The following EBF3 variants were observed in gnomAD, a reference collection of about 807,000 sequenced individuals.
EBF3 encodes the protein EBF transcription factor 3.
Under a neutral mutation model 77.1 loss-of-function variants are expected in EBF3, and 18 were observed. The ratio of observed to expected loss-of-function variants is 0.23; its 90% CI spans 0.16 to 0.35. The LOEUF is 0.35. Ranked by LOEUF, EBF3 falls within the 10% of genes least tolerant of loss-of-function variation. The pLI is 1.00. For synonymous variants in EBF3, 350 were observed against 343.5 expected (o/e 1.02, Z -0.21); for missense variants, 558 against 860.0 (o/e 0.65, Z 4.39).
At chr10:129,844,529 C>T (rs756442714) in intron 11 of EBF3, among the ~76,000 whole-genome samples, 6 of 152,156 alleles carry the variant, frequency 3.9e-5, no homozygotes, top group African/African-American at 1.2e-4. Context: ...GAGAAGGCAA[C>T]GACTGCCTTC....
At chr10:129,955,691 A>G (rs923017543) in intron 6 of EBF3, among the ~76,000 whole-genome samples, 2 of 152,270 alleles carry the variant, frequency 1.3e-5, no homozygotes, top group African/African-American at 4.8e-5. Context: ...GGGAAAACAC[A>G]GCATCCAAAA....
intron 6 of EBF3, among the ~76,000 whole-genome samples, chr10:129,896,576 G>A (rs1001621458): frequency 5.9e-5 from 9 of 152,220 alleles, no homozygotes; most frequent in African/African-American, 1.9e-4. Context: ...CGAGTGGGGG[G>A]CTGGAGTTTG....
intron 6 of EBF3, among the ~76,000 whole-genome samples, chr10:129,930,371 C>T (rs180794898): frequency 6.6e-6 from 1 of 151,560 alleles, no homozygotes; most frequent in Admixed American, 6.6e-5. Context: ...TAACAAATCC[C>T]CCTCTCATAT....
chr10:129,947,200 C>T lies in EBF3; in HGVS notation c.554+10058G>A, dbSNP rs947553922. ...CCAAATATCAAGGAAGAGGGGCCGC[C>T]GGGGGACCACCCCATCCCGGCACAC... On this transcript the variant is annotated intron_variant, in intron 6 of 16. Coordinates refer to ENST00000440978, the MANE Select transcript of EBF3 (RefSeq NM_001375380.1). The surrounding 1 kb of genome is among the most constrained non-coding windows in gnomAD (Gnocchi z 4.5). Among the ~76,000 whole-genome samples the T allele has an allele frequency of 6.6e-5, 10 of 152,204 alleles. No homozygotes were observed. Among genetic ancestry groups the T allele is most frequent in the Admixed American group, 1.3e-4 (2 of 15,286 alleles).
At chr10:129,892,532 T>G (rs1854092816) in intron 6 of EBF3, among the ~76,000 whole-genome samples, 1 of 151,912 alleles carries the variant, frequency 6.6e-6, no homozygotes. Flanking sequence ...GCTCAGAGAG[T>G]GAGCCGTGTT....
At position 129,875,673 on chromosome 10, in the gene EBF3, A is replaced by G. The variant is rs1222034038; in HGVS notation, c.637-2077T>C. Among the ~76,000 whole-genome samples the G allele has an allele frequency of 3.9e-5, 6 of 152,350 alleles. No individual in the cohort carries two copies. In the East Asian group the frequency reaches 5.8e-4, roughly 15 times the overall value. On this transcript the variant is annotated intron_variant, in intron 7 of 16. Transcript: ENST00000440978. Reference sequence around the variant, plus strand: ...AAGCCACCCAGAACCTCAAAAGGTTATAAGTGCTGGCCCAGCATCCCAGGT... The same window carrying G: ...AAGCCACCCAGAACCTCAAAAGGTTGTAAGTGCTGGCCCAGCATCCCAGGT...
At chr10:129,887,109 TG>T (rs1395572470) in intron 6 of EBF3, among the ~76,000 whole-genome samples, 8 of 131,940 alleles carry the variant, frequency 6.1e-5, no homozygotes, top group African/African-American at 2.3e-4. Context: ...TCGGGGGCAC[TG>T]GCCCACAAAG....
At chr10:129,855,062 C>T (rs773542463) in intron 10 of EBF3, among the ~76,000 whole-genome samples, 18 of 152,204 alleles carry the variant, frequency 1.2e-4, no homozygotes, top group Non-Finnish European at 2.4e-4. Flanking sequence ...ATGGCTCAGA[C>T]CTGCCTAGGG....
At chr10:129,851,174 A>G (rs756455081) in intron 10 of EBF3, among the ~76,000 whole-genome samples, 2 of 152,238 alleles carry the variant, frequency 1.3e-5, no homozygotes, top group African/African-American at 4.8e-5. Context: ...AACTGTCAGC[A>G]CTGGTTTGCT....
At chr10:129,838,132 G>A (rs1307151696) in intron 16 of EBF3, among the ~76,000 whole-genome samples, 172 bp from the exon 17 acceptor site, 4 of 152,246 alleles carry the variant, frequency 2.6e-5, no homozygotes, top group African/African-American at 9.6e-5. Flanking sequence ...TCTGCTTCCT[G>A]AGGTGGGGGC....
Position 129,881,223 on chromosome 10 carries a change from G to A in EBF3, c.555-3374C>T, listed in dbSNP as rs182120236. Among the ~76,000 whole-genome samples the A allele has an allele frequency of 1.7e-4, 26 of 152,220 alleles. 1 individual carries two copies. The South Asian group carries it at 1.9e-3, about 11-fold the overall frequency. ...AAACATGGATTTGCTGCTCCATCAC[G>A]AAGAGGCGATAAAAATTCTAACCTG... On this transcript the variant is annotated intron_variant, in intron 6 of 16. Coordinates refer to ENST00000440978, the MANE Select transcript of EBF3 (RefSeq NM_001375380.1).
intron 4 of EBF3, among the ~76,000 whole-genome samples, chr10:129,960,457 C>T (rs1859417416): frequency 6.6e-6 from 1 of 152,216 alleles, no homozygotes; most frequent in African/African-American, 2.4e-5. Context: ...CCTGGCGCTG[C>T]AGGGCGCGTG....
intron 4 of EBF3, among the ~76,000 whole-genome samples, chr10:129,960,760 T>G (rs1859452601): frequency 6.6e-6 from 1 of 151,488 alleles, no homozygotes. Context: ...AAACGAAGCC[T>G]CCTCCTCCTC....
At chr10:129,954,349 A>G (rs561816766) in intron 6 of EBF3, among the ~76,000 whole-genome samples, 3 of 152,214 alleles carry the variant, frequency 2.0e-5, no homozygotes, top group African/African-American at 7.2e-5. Context: ...GAAAGAAAAC[A>G]GTTAACATAA....
chr10:129,952,282 A>C lies in EBF3; in HGVS notation c.554+4976T>G, dbSNP rs898764279. ...CACCAAACTATACTGTTTTCATTGC[A>C]TTATGCAGATGAAATGACAAGTTGT... is the stretch of plus-strand genomic sequence containing the variant. On this transcript the variant is annotated intron_variant, in intron 6 of 16. Coordinates refer to ENST00000440978, the MANE Select transcript of EBF3 (RefSeq NM_001375380.1). The surrounding 1 kb of genome is among the most constrained non-coding windows in gnomAD (Gnocchi z 4.7). Among the ~76,000 whole-genome samples the C allele has an allele frequency of 8.5e-5, 13 of 152,218 alleles. No individual in the cohort carries two copies. Among genetic ancestry groups the C allele is most frequent in the Admixed American group, 7.9e-4 (12 of 15,282 alleles).
At chr10:129,959,072 C>G (rs951527879) in intron 4 of EBF3, 65 bp from the exon 5 acceptor site, 5 of 1,587,448 alleles carry the variant, frequency 3.1e-6, no homozygotes, top group Non-Finnish European at 4.3e-6. Flanking sequence ...CAAATCGCCC[C>G]GGGCGCTGCA....
chr10:129,949,921 C>T (rs972802755), intron 6 of EBF3, among the ~76,000 whole-genome samples: 2 of 151,746 alleles, frequency 1.3e-5, no homozygotes, highest in Non-Finnish European at 1.5e-5. Flanking sequence ...AGTTTTGTCT[C>T]CTTCTGTGCT....
chr10:129,837,229 C>G lies in EBF3; in HGVS notation c.*714G>C, dbSNP rs1228516667. ...CTCTAGCAGTGGGAGAATATTGGAA[C>G]CAACAGACAGTAGCATTTTTTCTCT... is the stretch of plus-strand genomic sequence containing the variant. On this transcript the variant is annotated 3_prime_UTR_variant, in exon 17 of 17. Transcript: ENST00000440978. 2 of 152,658 alleles carry G rather than the reference C, an allele frequency of 1.3e-5. No homozygotes were observed. Among genetic ancestry groups the G allele is most frequent in the Non-Finnish European group, 2.9e-5 (2 of 68,078 alleles). The allele number at this position is 152,658 out of a possible 1,614,324, so 9.5% of individuals were successfully genotyped here. A position where few individuals can be genotyped will look rare whatever the true frequency, so the allele number is the denominator to read the frequency against.
chr10:129,847,311 CAGCAA>C (rs1329392217), intron 11 of EBF3, among the ~76,000 whole-genome samples: 1 of 152,186 alleles, frequency 6.6e-6, no homozygotes, highest in Non-Finnish European at 1.5e-5. Context: ...TGGAGGCTGG[CAGCAA>C]AGCCCTCTGG....
Sources: gnomAD v4.1 joint callset for allele counts (sites outside exome capture counted in the v4.1 genomes callset) on GRCh38, gnomAD v4.1.1 for gene constraint, Gnocchi (gnomAD v3.1) non-coding constraint, MANE v1.5 for transcripts, NCBI Gene and HGNC (gene_info 2026-07-23, HGNC 2026-07-21) for gene names.